SH2D4A: variants seen among roughly 807,000 people sequenced by gnomAD.
The protein encoded by SH2D4A is SH2 domain containing 4A.
In SH2D4A, 70 loss-of-function variants were observed where a neutral mutation model predicts 64.7. The observed-to-expected ratio is 1.08, with a 90% CI of 0.89 to 1.32. The LOEUF (loss-of-function observed/expected upper bound fraction) is 1.32, where lower values mean the gene tolerates loss of function less well. Ranked by LOEUF, SH2D4A falls within the 40% of genes most tolerant of loss-of-function variation. The pLI is 0.00. For synonymous variants in SH2D4A, 268 were observed against 200.7 expected (o/e 1.34, Z -2.83); for missense variants, 706 against 540.1 (o/e 1.31, Z -3.04).
intron 8 of SH2D4A, among the ~76,000 whole-genome samples, chr8:19,374,577 C>T (rs1462202449): frequency 6.6e-6 from 1 of 152,196 alleles, no homozygotes; most frequent in Non-Finnish European, 1.5e-5. Flanking sequence ...TCATGGGAAA[C>T]TCTTCTAAAA....
rs970796267 is a variant in SH2D4A at position 19,396,031 on chromosome 8, C to T, written c.*1389C>T. 6.6e-6 allele frequency: 1 copy of T among 152,194 alleles called. No individual in the cohort carries two copies. Among genetic ancestry groups the T allele is most frequent in the Non-Finnish European group, 1.5e-5 (1 of 68,074 alleles). The allele number at this position is 152,194 out of a possible 1,614,324, so 9.4% of individuals were successfully genotyped here. ...TGTCCCGTCAGGAATCTTATGCCCT[C>T]CTGGAACCCCCGCCCACCTCAGTCC... On this transcript the variant is annotated 3_prime_UTR_variant, in exon 10 of 10. Coordinates refer to ENST00000265807, the MANE Select transcript of SH2D4A (RefSeq NM_022071.4).
Position 19,388,730 on chromosome 8 carries a change from G to A in SH2D4A, c.1049-4588G>A, listed in dbSNP as rs567102024. ...CCCTATGATCACAATTCTTAGAATA[G>A]AGGCAGTGGCTGCACGGAAGTGTCC... On this transcript the variant is annotated intron_variant, in intron 8 of 9. Coordinates refer to ENST00000265807, the MANE Select transcript of SH2D4A (RefSeq NM_022071.4). Among the ~76,000 whole-genome samples the A allele has an allele frequency of 2.0e-5, 3 of 152,322 alleles. No homozygotes were observed. The South Asian group carries it at 6.2e-4, about 32-fold the overall frequency.
chr8:19,366,998 G>A (rs1394753116), intron 7 of SH2D4A, among the ~76,000 whole-genome samples: 1 of 152,084 alleles, frequency 6.6e-6, no homozygotes, highest in East Asian at 1.9e-4. Flanking sequence ...ATGATGGTAT[G>A]CTAATTTATA....
intron 4 of SH2D4A, among the ~76,000 whole-genome samples, chr8:19,353,278 G>T (rs886961369): frequency 2.0e-5 from 3 of 151,998 alleles, no homozygotes; most frequent in Non-Finnish European, 2.9e-5. Context: ...CCTGCCTCTA[G>T]GAGTGCTTCA....
intron 7 of SH2D4A, among the ~76,000 whole-genome samples, chr8:19,372,663 T>C (rs1178106190): frequency 1.1e-4 from 16 of 152,190 alleles, no homozygotes; most frequent in Non-Finnish European, 2.4e-4. Context: ...ATTAGTACGC[T>C]GTTGAGTAGG....
chr8:19,382,405 A>C (rs1416080747), intron 8 of SH2D4A, among the ~76,000 whole-genome samples: 1 of 152,176 alleles, frequency 6.6e-6, no homozygotes, highest in Non-Finnish European at 1.5e-5. Context: ...TGAACGTGAT[A>C]CACATTCCGT....
intron 7 of SH2D4A, among the ~76,000 whole-genome samples, chr8:19,370,536 G>A (rs939865102): frequency 1.3e-5 from 2 of 151,972 alleles, no homozygotes; most frequent in African/African-American, 4.8e-5. Flanking sequence ...TGCTTTATAT[G>A]ATATAAATAT....
chr8:19,331,529 G>C (rs984223963), intron 2 of SH2D4A, among the ~76,000 whole-genome samples: 3 of 152,162 alleles, frequency 2.0e-5, no homozygotes, highest in African/African-American at 7.2e-5. Context: ...CCGCATTTCA[G>C]GAGCACTAGG....
At chr8:19,326,574 T>C (rs986311298) in intron 2 of SH2D4A, among the ~76,000 whole-genome samples, 1 of 152,182 alleles carries the variant, frequency 6.6e-6, no homozygotes, top group Non-Finnish European at 1.5e-5. Context: ...TGGCTCAGTC[T>C]TTGGTCTTTT....
At chr8:19,378,728 A>G (rs1585202634) in intron 8 of SH2D4A, among the ~76,000 whole-genome samples, 1 of 152,038 alleles carries the variant, frequency 6.6e-6, no homozygotes, top group Admixed American at 6.6e-5. Context: ...TAAGTGTACC[A>G]TTCAGTGTTA....
chr8:19,317,122 C>T (rs1231302301), intron 1 of SH2D4A, among the ~76,000 whole-genome samples: 2 of 152,084 alleles, frequency 1.3e-5, no homozygotes, highest in South Asian at 2.1e-4. Context: ...CATCTTCTGC[C>T]GTGTGTGATT....
At chr8:19,325,991 C>T (rs145099935) in intron 2 of SH2D4A, among the ~76,000 whole-genome samples, 1 of 152,296 alleles carries the variant, frequency 6.6e-6, no homozygotes, top group African/African-American at 2.4e-5. Flanking sequence ...TCCCTGCTTG[C>T]CCAGTGGGGT....
chr8:19,353,642 C>G lies in SH2D4A; in HGVS notation c.514-3561C>G, dbSNP rs147322442. 4.3e-4 allele frequency among the ~76,000 whole-genome samples: 63 copies of G among 147,744 alleles called. 2 individuals carry two copies. In the South Asian group the frequency reaches 7.1e-3, roughly 17 times the overall value. ...TCAGACTCCCAAAGTGCTGGGATTA[C>G]AGGCGTGAGCCACCACACCTGGCCT... On this transcript the variant is annotated intron_variant, in intron 4 of 9. Transcript: ENST00000265807.
rs192283870 is a variant in SH2D4A at position 19,382,800 on chromosome 8, T to C, written c.1048+9140T>C. 2.6e-5 allele frequency among the ~76,000 whole-genome samples: 4 copies of C among 151,032 alleles called. No individual in the cohort carries two copies. In the East Asian group the frequency reaches 7.7e-4, roughly 29 times the overall value. On this transcript the variant is annotated intron_variant, in intron 8 of 9. Coordinates refer to ENST00000265807, the MANE Select transcript of SH2D4A (RefSeq NM_022071.4). ...TGTGATGAGTTGCTTCTCTCTCTTT[T>C]CTCTCTTGCTGCTTTTAAGATTCTT... is the stretch of plus-strand genomic sequence containing the variant.
intron 4 of SH2D4A, among the ~76,000 whole-genome samples, chr8:19,337,818 C>T (rs1268392849): frequency 1.3e-5 from 2 of 152,164 alleles, no homozygotes; most frequent in African/African-American, 4.8e-5. Context: ...ATTTAACTGC[C>T]TCCCACCAGG....
chr8:19,366,197 A>T (rs2052991004), intron 7 of SH2D4A, among the ~76,000 whole-genome samples: 2 of 152,290 alleles, frequency 1.3e-5, no homozygotes, highest in South Asian at 4.1e-4. Flanking sequence ...GTATGTATTT[A>T]TGGGATACAG....
intron 2 of SH2D4A, among the ~76,000 whole-genome samples, chr8:19,326,230 A>C (rs184309692): frequency 4.5e-4 from 69 of 152,276 alleles, no homozygotes; most frequent in African/African-American, 1.7e-3. Context: ...GTGAGTAATC[A>C]CCTGAGCTGA....
At chr8:19,348,282 G>A (rs1294939971) in intron 4 of SH2D4A, among the ~76,000 whole-genome samples, 1 of 152,040 alleles carries the variant, frequency 6.6e-6, no homozygotes, top group Non-Finnish European at 1.5e-5. Flanking sequence ...TCCTTGTAGA[G>A]ACAGGGGTCT....
chr8:19,390,563 T>A (rs1026055975), intron 8 of SH2D4A, among the ~76,000 whole-genome samples: 1 of 152,142 alleles, frequency 6.6e-6, no homozygotes, highest in Non-Finnish European at 1.5e-5. Context: ...TACATTGACC[T>A]GTGTATTTAG....
Sources: gnomAD v4.1 joint callset for allele counts (sites outside exome capture counted in the v4.1 genomes callset) on GRCh38, gnomAD v4.1.1 for gene constraint, MANE v1.5 for transcripts, NCBI Gene and HGNC (gene_info 2026-07-23, HGNC 2026-07-21) for gene names.